LGSN: variants seen among roughly 807,000 people sequenced by gnomAD.
The protein encoded by LGSN is lengsin.
Under a neutral mutation model 19.5 loss-of-function variants are expected in LGSN, and 21 were observed. The ratio of observed to expected loss-of-function variants is 1.07; its 90% CI spans 0.76 to 1.55. The LOEUF is 1.55. Ranked by LOEUF, LGSN falls within the 40% of genes most tolerant of loss-of-function variation. The pLI is 0.00. For missense variants in LGSN, 673 were observed against 608.5 expected (o/e 1.11, Z -1.12); for synonymous variants, 257 against 215.6 (o/e 1.19, Z -1.68).
the LGSN span, among the ~76,000 whole-genome samples, chr6:63,528,944 C>T: frequency 6.6e-6 from 1 of 151,798 alleles, no homozygotes; most frequent in Non-Finnish European, 1.5e-5. Context: ...CAAAAATTAG[C>T]TGGGCGTGGT....
chr6:63,433,878 T>G, the LGSN span, among the ~76,000 whole-genome samples: 1 of 152,222 alleles, frequency 6.6e-6, no homozygotes, highest in Non-Finnish European at 1.5e-5. Flanking sequence ...AAAAGTTGTA[T>G]ACTTTCCCAT....
the LGSN span, among the ~76,000 whole-genome samples, chr6:63,429,509 G>A: frequency 6.6e-6 from 1 of 152,136 alleles, no homozygotes; most frequent in East Asian, 1.9e-4. Flanking sequence ...GCTGAGGCAG[G>A]CAAATCACTT....
the LGSN span, among the ~76,000 whole-genome samples, chr6:63,497,511 C>A: frequency 6.6e-6 from 1 of 152,098 alleles, no homozygotes; most frequent in African/African-American, 2.4e-5. Context: ...CGAGATCATG[C>A]CACTGCACTC....
At chr6:63,357,490 C>T in the LGSN span, among the ~76,000 whole-genome samples, 4 of 152,142 alleles carry the variant, frequency 2.6e-5, no homozygotes, top group African/African-American at 9.7e-5. Flanking sequence ...CTCTCCAGCA[C>T]CTGTTGTTTC....
the LGSN span, among the ~76,000 whole-genome samples, chr6:63,425,617 G>A: frequency 1.3e-5 from 2 of 152,032 alleles, no homozygotes; most frequent in African/African-American, 4.8e-5. Context: ...TTAGGGAGCG[G>A]GGGAAGGGAG....
the LGSN span, among the ~76,000 whole-genome samples, chr6:63,361,317 C>T: frequency 1.3e-5 from 2 of 152,188 alleles, no homozygotes; most frequent in African/African-American, 4.8e-5. Context: ...GTTTGAGCTT[C>T]CTGGCTGCTT....
the LGSN span, among the ~76,000 whole-genome samples, chr6:63,365,458 C>CA: frequency 0.13 from 19,781 of 151,876 alleles, 2,848 homozygotes; most frequent in African/African-American, 0.36. Flanking sequence ...GCCTACCAAC[C>CA]AAAAAAAGTC....
chr6:63,516,096 GA>G, the LGSN span, among the ~76,000 whole-genome samples: 1 of 151,896 alleles, frequency 6.6e-6, no homozygotes, highest in Non-Finnish European at 1.5e-5. Flanking sequence ...TTACCTTGTT[GA>G]AAATCTAAAC....
chr6:63,485,939 C>A, the LGSN span, among the ~76,000 whole-genome samples: 1 of 151,836 alleles, frequency 6.6e-6, no homozygotes, highest in African/African-American at 2.4e-5. Flanking sequence ...CATGTTGGCC[C>A]GGCTGCTCTG....
chr6:63,569,946 C>G, the LGSN span, among the ~76,000 whole-genome samples: 13 of 152,194 alleles, frequency 8.5e-5, no homozygotes, highest in African/African-American at 3.1e-4. Context: ...TACTGTTCTC[C>G]AAGAATCTGC....
intron 1 of LGSN, among the ~76,000 whole-genome samples, chr6:63,308,403 T>C (rs1310534672): frequency 1.3e-5 from 2 of 152,174 alleles, no homozygotes; most frequent in South Asian, 2.1e-4. Context: ...TTAATATAAG[T>C]TTATCATTTT....
chr6:63,412,415 G>A, the LGSN span, among the ~76,000 whole-genome samples: 61 of 107,832 alleles, frequency 5.7e-4, 3 homozygotes, highest in African/African-American at 2.5e-3. Context: ...AAGAAAGAAA[G>A]AAGAAAGAAA....
chr6:63,493,752 G>A, the LGSN span, among the ~76,000 whole-genome samples: 2 of 152,080 alleles, frequency 1.3e-5, no homozygotes, highest in East Asian at 3.9e-4. Flanking sequence ...CCCCATGAAT[G>A]ATCACTCTCT....
chr6:63,425,245 AC>A, the LGSN span, among the ~76,000 whole-genome samples: 1 of 152,222 alleles, frequency 6.6e-6, no homozygotes, highest in Non-Finnish European at 1.5e-5. Flanking sequence ...CTACTGTACA[AC>A]CCAGCAACTG....
intron 2 of LGSN, among the ~76,000 whole-genome samples, chr6:63,294,661 G>C (rs923506570): frequency 6.7e-6 from 1 of 150,072 alleles, no homozygotes; most frequent in African/African-American, 2.4e-5. Context: ...TCCTCTGTTT[G>C]TTCTTTTTTT....
Position 63,283,553 on chromosome 6 carries a change from G to T in LGSN, c.330+2034C>A, listed in dbSNP as rs142968019. Among the ~76,000 whole-genome samples the T allele has an allele frequency of 1.2e-3, 187 of 149,808 alleles. 3 individuals carry two copies. The highest frequency in any genetic ancestry group is 4.0e-4 in the Non-Finnish European group (27 of 67,694). On this transcript the variant is annotated intron_variant, in intron 3 of 3. Transcript: ENST00000370657. ...AGAACAGAGATAATATAAGTTGGTT[G>T]TAAGACTTAAACCTTAAAACACCAC...
the LGSN span, among the ~76,000 whole-genome samples, chr6:63,529,539 C>T: frequency 1.6e-3 from 243 of 152,292 alleles, no homozygotes; most frequent in Non-Finnish European, 2.0e-3. Context: ...TTCTACCTCT[C>T]TCGCTTTTAA....
the LGSN span, among the ~76,000 whole-genome samples, chr6:63,325,967 C>G: frequency 7.2e-5 from 11 of 152,126 alleles, no homozygotes; most frequent in African/African-American, 2.7e-4. Context: ...ACCCACATCC[C>G]GCTGATTGGT....
the LGSN span, among the ~76,000 whole-genome samples, chr6:63,380,545 T>C: frequency 5.3e-5 from 8 of 152,220 alleles, no homozygotes; most frequent in East Asian, 1.5e-3. Flanking sequence ...GTGATTGACT[T>C]GATAACATTC....
Sources: gnomAD v4.1 joint callset for allele counts (sites outside exome capture counted in the v4.1 genomes callset) on GRCh38, gnomAD v4.1.1 for gene constraint, MANE v1.5 for transcripts, NCBI Gene and HGNC (gene_info 2026-07-23, HGNC 2026-07-21) for gene names.